Variants in DIP2C observed in about 807,000 individuals in gnomAD.
DIP2C encodes the protein DIP2 acetate--CoA ligase C (putative), also known as disco-interacting protein 2 homolog C.
In DIP2C, 33 loss-of-function variants were observed where a neutral mutation model predicts 192.4. The ratio of observed to expected loss-of-function variants is 0.17; its 90% confidence interval spans 0.13 to 0.23. The LOEUF (loss-of-function observed/expected upper bound fraction) is 0.23, where lower values mean the gene tolerates loss of function less well. Ranked by LOEUF, DIP2C falls within the 10% of genes least tolerant of loss-of-function variation. DIP2C has a pLI of 1.00. For synonymous variants in DIP2C, 979 were observed against 864.1 expected, an observed-to-expected ratio of 1.13 and a Z score of -2.33; for missense variants, 1,537 against 2,110.1, an observed-to-expected ratio of 0.73 and a Z score of 5.32.
chr10:398,835 T>G (rs184835902), intron 10 of DIP2C, among the ~76,000 whole-genome samples: 2 of 152,200 alleles, frequency 1.3e-5, no homozygotes, highest in East Asian at 3.9e-4. Context: ...CCAATTCTAG[T>G]GCACATGACA....
At chr10:367,050 A>C (rs530140833) in intron 18 of DIP2C, among the ~76,000 whole-genome samples, 1 of 152,340 alleles carries the variant, frequency 6.6e-6, no homozygotes, top group East Asian at 1.9e-4. Context: ...GTTTAGAAAG[A>C]GCCTAAAACA....
intron 1 of DIP2C, among the ~76,000 whole-genome samples, chr10:595,377 A>G (rs576135071): frequency 1.3e-5 from 2 of 152,328 alleles, no homozygotes; most frequent in East Asian, 3.9e-4. Context: ...GCAGTTTCCT[A>G]TGGTTCAACT....
chr10:405,119 C>G (rs1232208925), intron 9 of DIP2C, among the ~76,000 whole-genome samples: 3 of 152,324 alleles, frequency 2.0e-5, no homozygotes, highest in South Asian at 2.1e-4. Context: ...GTTAATCTTC[C>G]CAGAATACCA....
intron 1 of DIP2C, among the ~76,000 whole-genome samples, chr10:613,068 A>G (rs1288750919): frequency 3.3e-5 from 5 of 152,242 alleles, no homozygotes; most frequent in Non-Finnish European, 7.3e-5. Flanking sequence ...ACAGGACAGC[A>G]TGGCCCAAGG....
chr10:419,329 G>C, intron 5 of DIP2C, 130 bp from the exon 6 acceptor site: 1 of 1,319,606 alleles, frequency 7.6e-7, no homozygotes, highest in Non-Finnish European at 1.1e-6. Flanking sequence ...AGCCAGAGCC[G>C]ATCTCAGCCG....
At chr10:360,786 A>G (rs968414644) in intron 22 of DIP2C, among the ~76,000 whole-genome samples, 2 of 152,236 alleles carry the variant, frequency 1.3e-5, no homozygotes, top group Non-Finnish European at 2.9e-5. Flanking sequence ...CAGTGCCATT[A>G]ACTGAGTAAA....
chr10:314,785 G>A (rs989208145), intron 31 of DIP2C, among the ~76,000 whole-genome samples: 5 of 152,156 alleles, frequency 3.3e-5, no homozygotes, highest in Non-Finnish European at 5.9e-5. Context: ...CTTTTATAAG[G>A]GTGGAAGTCC....
chr10:518,847 A>AC (rs1432718229), intron 1 of DIP2C, among the ~76,000 whole-genome samples: 4 of 152,048 alleles, frequency 2.6e-5, no homozygotes, highest in East Asian at 1.9e-4. Flanking sequence ...CACAGATCCC[A>AC]CCTCCAGCAG....
chr10:647,087 C>T (rs560514715), intron 1 of DIP2C, among the ~76,000 whole-genome samples: 151 of 150,640 alleles, frequency 1.0e-3, no homozygotes, highest in African/African-American at 3.4e-3. Flanking sequence ...CCACATTTGA[C>T]GGTGGGAGAG....
chr10:484,173 G>A lies in DIP2C; in HGVS notation c.157+2286C>T, dbSNP rs186866338. On this transcript the variant is annotated intron_variant, in intron 2 of 36. Transcript: ENST00000280886. ...GAACACGAACCTAAAACTTCCACCT[G>A]CATATGATTTTCTTCATTCTGGTGG... Among the ~76,000 whole-genome samples the A allele has an allele frequency of 3.0e-3, 453 of 152,248 alleles. 4 individuals carry two copies. Among genetic ancestry groups the A allele is most frequent in the South Asian group, 0.015 (73 of 4,822 alleles).
At chr10:536,207 C>T (rs138509564) in intron 1 of DIP2C, among the ~76,000 whole-genome samples, 12 of 152,364 alleles carry the variant, frequency 7.9e-5, no homozygotes, top group East Asian at 5.8e-4. Context: ...AACCACATCA[C>T]GCCCATCTCT....
chr10:578,152 T>C (rs574959423), intron 1 of DIP2C, among the ~76,000 whole-genome samples: 4 of 152,362 alleles, frequency 2.6e-5, no homozygotes, highest in Admixed American at 2.0e-4. Context: ...ATCCTAAATA[T>C]CTTCTTTCTC....
Position 525,313 on chromosome 10 carries a change from G to A in DIP2C, c.86-38783C>T, listed in dbSNP as rs1304567856. Reference sequence around the variant, plus strand: ...GCAGGTTGTATGTCCACAGCTATTCGGAATGTGGTTTCTGATAGAAGCTTT... The same window carrying A: ...GCAGGTTGTATGTCCACAGCTATTCAGAATGTGGTTTCTGATAGAAGCTTT... On this transcript the variant is annotated intron_variant, in intron 1 of 36. Coordinates refer to ENST00000280886, the MANE Select transcript of DIP2C (RefSeq NM_014974.3). 1.1e-4 allele frequency among the ~76,000 whole-genome samples: 16 copies of A among 152,162 alleles called. No homozygotes were observed. The East Asian group carries it at 2.5e-3, about 24-fold the overall frequency.
chr10:465,684 G>A (rs1253913789), intron 3 of DIP2C, among the ~76,000 whole-genome samples: 2 of 151,944 alleles, frequency 1.3e-5, no homozygotes, highest in Non-Finnish European at 2.9e-5. Context: ...AGCAACTTCA[G>A]CAAAGTCTCA....
chr10:436,218 C>T (rs1967181579), intron 4 of DIP2C, among the ~76,000 whole-genome samples: 1 of 152,210 alleles, frequency 6.6e-6, no homozygotes, highest in Non-Finnish European at 1.5e-5. Flanking sequence ...ACAGATTCTA[C>T]CTCCGGTTTC....
At chr10:558,521 C>T (rs964848875) in intron 1 of DIP2C, among the ~76,000 whole-genome samples, 8 of 152,072 alleles carry the variant, frequency 5.3e-5, no homozygotes, top group Non-Finnish European at 1.0e-4. Context: ...GGGCGCCCAG[C>T]GCAGGGGGAC....
chr10:421,944 G>A (rs1451610196), intron 5 of DIP2C, among the ~76,000 whole-genome samples: 6 of 152,184 alleles, frequency 3.9e-5, no homozygotes, highest in East Asian at 1.9e-4. Context: ...GCCTCTGAGC[G>A]TAAAGGAGTC....
At chr10:432,980 T>C (rs1332678241) in intron 4 of DIP2C, among the ~76,000 whole-genome samples, 1 of 152,238 alleles carries the variant, frequency 6.6e-6, no homozygotes, top group Non-Finnish European at 1.5e-5. Context: ...GTTGAGAACA[T>C]ACTCGTTTAA....
At chr10:380,583 A>C (rs1250602644) in intron 17 of DIP2C, among the ~76,000 whole-genome samples, 1 of 152,272 alleles carries the variant, frequency 6.6e-6, no homozygotes, top group Non-Finnish European at 1.5e-5. Flanking sequence ...CGTCCTCTAC[A>C]GACCCTTCTC....
Sources: gnomAD v4.1 joint callset for allele counts (sites outside exome capture counted in the v4.1 genomes callset) on GRCh38, gnomAD v4.1.1 for gene constraint, MANE v1.5 for transcripts, NCBI Gene and HGNC (gene_info 2026-07-23, HGNC 2026-07-21) for gene names.